Variants in PLEKHM2 observed in about 807,000 individuals in gnomAD.
PLEKHM2 encodes pleckstrin homology and RUN domain containing M2, also known as pleckstrin homology domain-containing family M member 2.
A neutral mutation model predicts 116.3 loss-of-function variants in PLEKHM2; 77 were observed. That is an observed-to-expected ratio of 0.66 (90% CI 0.55 to 0.80). The LOEUF (loss-of-function observed/expected upper bound fraction) is 0.80, where lower values mean the gene tolerates loss of function less well. PLEKHM2 is among the 30% of genes least tolerant of loss of function. PLEKHM2 has a pLI of 0.00. For synonymous variants in PLEKHM2, 562 were observed against 571.0 expected (o/e 0.98, Z 0.22); for missense variants, 1,183 against 1,354.9 (o/e 0.87, Z 1.99).
At chr1:15,724,407 C>T (rs765273334) in intron 7 of PLEKHM2, among the ~76,000 whole-genome samples, 60 of 151,736 alleles carry the variant, frequency 4.0e-4, no homozygotes, top group South Asian at 8.3e-4. Flanking sequence ...CACTTGAACC[C>T]GGGAGTTGGA....
At chr1:15,699,813 T>C (rs181859868) in intron 1 of PLEKHM2, among the ~76,000 whole-genome samples, 2 of 151,884 alleles carry the variant, frequency 1.3e-5, no homozygotes, top group African/African-American at 4.8e-5. Context: ...ATTACATAAA[T>C]ATATTAATCT....
At chr1:15,691,996 C>A (rs1018388870) in intron 1 of PLEKHM2, among the ~76,000 whole-genome samples, 5 of 151,916 alleles carry the variant, frequency 3.3e-5, no homozygotes, top group Admixed American at 1.3e-4. Flanking sequence ...GCCTATAGTC[C>A]CAGCTACTCA....
At chr1:15,697,229 C>G (rs1001509054) in intron 1 of PLEKHM2, among the ~76,000 whole-genome samples, 5 of 152,230 alleles carry the variant, frequency 3.3e-5, no homozygotes, top group African/African-American at 1.2e-4. Flanking sequence ...GGGTCTCTGC[C>G]AGCTCCTGCT....
intron 1 of PLEKHM2, among the ~76,000 whole-genome samples, chr1:15,708,404 A>G (rs986762806): frequency 6.7e-6 from 1 of 150,122 alleles, no homozygotes; most frequent in African/African-American, 2.5e-5. Context: ...TTTAGTAGAG[A>G]TGGGGTTTCA....
In PLEKHM2 at chr1:15,705,206, G is replaced by A. The variant is rs568088858; in HGVS notation, c.61-11031G>A. Reference sequence around the variant, plus strand: ...TTTTTTTTTTTTTTTTTGAGATGGGGTCTCACTCTATCACCTAGTTGGAGT... The same window carrying A: ...TTTTTTTTTTTTTTTTTGAGATGGGATCTCACTCTATCACCTAGTTGGAGT... On this transcript the variant is annotated intron_variant, in intron 1 of 19. Transcript: ENST00000375799. 3.0e-5 allele frequency among the ~76,000 whole-genome samples: 4 copies of A among 132,960 alleles called. No individual in the cohort carries two copies. In the South Asian group the frequency reaches 7.1e-4, roughly 24 times the overall value. The allele number at this position is 132,960 out of a possible 152,430, so 87.2% of individuals were successfully genotyped here.
In PLEKHM2 at chr1:15,728,503, C is replaced by G; in HGVS notation, c.1921+146C>G. The G allele has an allele frequency of 2.0e-6, 2 of 983,728 alleles. No homozygotes were observed. The highest frequency in any genetic ancestry group is 3.1e-6 in the Non-Finnish European group (2 of 654,696). The allele number at this position is 983,728 out of a possible 1,614,324, so 60.9% of individuals were successfully genotyped here. A position where few individuals can be genotyped will look rare whatever the true frequency, so the allele number is the denominator to read the frequency against. On this transcript the variant is annotated intron_variant, in intron 11 of 19. Transcript: ENST00000375799. This position sits in a 1 kb window ranked among gnomAD's most constrained non-coding sequence, Gnocchi z 5.9. ...ACCCCAAGGAAGGTGTTGCCAGCAG[C>G]CCTGAGACGTGAGCCTGGGGCTCCC...
intron 1 of PLEKHM2, among the ~76,000 whole-genome samples, chr1:15,701,433 C>CA (rs1223861653): frequency 6.9e-6 from 1 of 145,614 alleles, no homozygotes; most frequent in East Asian, 2.0e-4. Flanking sequence ...AACTCCATCT[C>CA]AAAAAAAGAA....
Position 15,728,784 on chromosome 1 carries a change from A to C in PLEKHM2, c.1986+51A>C. On this transcript the variant is annotated intron_variant, in intron 12 of 19. Transcript: ENST00000375799. The surrounding 1 kb of genome is among the most constrained non-coding windows in gnomAD (Gnocchi z 5.9). Reference sequence around the variant, plus strand: ...GCCTGCTGTAGGTACAGGGCTTCTCAAGCCACTTACCCATAGAACTGCAGG... The same window carrying C: ...GCCTGCTGTAGGTACAGGGCTTCTCCAGCCACTTACCCATAGAACTGCAGG... 2 of 1,505,232 alleles carry C rather than the reference A, an allele frequency of 1.3e-6. No individual in the cohort carries two copies. Among genetic ancestry groups the C allele is most frequent in the Non-Finnish European group, 9.1e-7 (1 of 1,097,444 alleles). The allele number at this position is 1,505,232 out of a possible 1,614,324, so 93.2% of individuals were successfully genotyped here.
Position 15,728,816 on chromosome 1 carries a change from C to A in PLEKHM2, c.1986+83C>A. On this transcript the variant is annotated intron_variant, in intron 12 of 19. Coordinates refer to ENST00000375799, the MANE Select transcript of PLEKHM2 (RefSeq NM_015164.4). This position sits in a 1 kb window ranked among gnomAD's most constrained non-coding sequence, Gnocchi z 5.9. ...TTACCCATAGAACTGCAGGGCGAGG[C>A]ACGGCCCCTTACTCCCCTCCCGGGG... The A allele has an allele frequency of 7.8e-7, 1 of 1,283,114 alleles. No homozygotes were observed. Among genetic ancestry groups the A allele is most frequent in the Non-Finnish European group, 1.1e-6 (1 of 903,212 alleles). 79.5% of individuals were successfully genotyped at this position (1,283,114 alleles called of 1,614,324 possible). A position where few individuals can be genotyped will look rare whatever the true frequency, so the allele number is the denominator to read the frequency against.
intron 19 of PLEKHM2, among the ~76,000 whole-genome samples, chr1:15,732,975 C>T (rs1056651753): frequency 2.0e-5 from 3 of 152,338 alleles, no homozygotes; most frequent in African/African-American, 7.2e-5. Flanking sequence ...GCTGGGAGCC[C>T]GAGGCCCTCA....
chr1:15,682,647 A>C (rs1389536020), upstream of PLEKHM2, among the ~76,000 whole-genome samples: 4 of 72,868 alleles, frequency 5.5e-5, no homozygotes, highest in African/African-American at 3.6e-4. Context: ...ACAAAACAAA[A>C]AAAACAAAAA....
In PLEKHM2 at chr1:15,721,853, T is replaced by A. The variant is rs950119051; in HGVS notation, c.712+465T>A. On this transcript the variant is annotated intron_variant, in intron 7 of 19. Transcript: ENST00000375799. This position sits in a 1 kb window ranked among gnomAD's most constrained non-coding sequence, Gnocchi z 5.1. ...TGGCTTCCTCTTGGGTGTTTTGGAGTGGTTGAGGTCCAAGTCAGGAAACTG... is the reference window on the plus strand; with the variant it reads ...TGGCTTCCTCTTGGGTGTTTTGGAGAGGTTGAGGTCCAAGTCAGGAAACTG... 2.0e-5 allele frequency among the ~76,000 whole-genome samples: 3 copies of A among 152,106 alleles called. No homozygotes were observed. Among genetic ancestry groups the A allele is most frequent in the African/African-American group, 7.2e-5 (3 of 41,408 alleles).
chr1:15,693,288 G>A lies in PLEKHM2; in HGVS notation c.60+8670G>A, dbSNP rs1452285570. ...ACTCCTGGTCTCAAGTGATCCGCCCGCCTTGGCCTCCCAAAGTGCTGGGAT... is the reference window on the plus strand; with the variant it reads ...ACTCCTGGTCTCAAGTGATCCGCCCACCTTGGCCTCCCAAAGTGCTGGGAT... On this transcript the variant is annotated intron_variant, in intron 1 of 19. Transcript: ENST00000375799. 2.0e-5 allele frequency among the ~76,000 whole-genome samples: 3 copies of A among 152,156 alleles called. No homozygotes were observed. The East Asian group carries it at 5.8e-4, about 29-fold the overall frequency.
In PLEKHM2 at chr1:15,728,158, A is replaced by G. The variant is rs1472253470; in HGVS notation, c.1830+10A>G. The G allele has an allele frequency of 6.2e-7, 1 of 1,609,756 alleles. No homozygotes were observed. Among genetic ancestry groups the G allele is most frequent in the Admixed American group, 1.7e-5 (1 of 59,536 alleles). ...AGAGCAGCTGTTCAAAGTAAGTCCT[A>G]GGAACTCAGGAGTGAGCAAGAGACG... On this transcript the variant is annotated intron_variant, in intron 10 of 19. Coordinates refer to ENST00000375799, the MANE Select transcript of PLEKHM2 (RefSeq NM_015164.4). The surrounding 1 kb of genome is among the most constrained non-coding windows in gnomAD (Gnocchi z 5.9).
intron 1 of PLEKHM2, among the ~76,000 whole-genome samples, chr1:15,690,501 G>C (rs1257242357): frequency 2.0e-5 from 3 of 152,226 alleles, no homozygotes; most frequent in Non-Finnish European, 2.9e-5. Flanking sequence ...TATGAGTGTG[G>C]CTTTGTTCCA....
chr1:15,701,599 C>T (rs1641114611), intron 1 of PLEKHM2, among the ~76,000 whole-genome samples: 1 of 152,068 alleles, frequency 6.6e-6, no homozygotes, highest in South Asian at 2.1e-4. Context: ...ACCATCCTGG[C>T]TAACACGGTG....
rs774362020 is a variant in PLEKHM2, at chr1:15,732,526, C to T, written c.2802C>T (p.Val934=). Residue 934 remains valine (V), a synonymous_variant, in exon 18 of 20, where the codon GTC becomes GTT. Transcript: ENST00000375799. ...CCGAGCCGGGCAAGGAGTACTGCGT[C>T]TTGGTGAGCTTTGAGTGGGGGCGGG... ...VSTEPGKEYC[V]LEFSQDSQQL... is the part of the protein sequence containing the mutation. 6 of 1,609,678 alleles carry T rather than the reference C, an allele frequency of 3.7e-6. No individual in the cohort carries two copies. In the Admixed American group the frequency reaches 1.0e-4, roughly 27 times the overall value.
chr1:15,689,240 C>T (rs1330321733), intron 1 of PLEKHM2, among the ~76,000 whole-genome samples: 2 of 123,716 alleles, frequency 1.6e-5, no homozygotes, highest in Non-Finnish European at 3.2e-5. Flanking sequence ...AGCGAAACTC[C>T]GTCTCAAAAA....
Position 15,719,632 on chromosome 1 carries a change from CAA to C in PLEKHM2, c.466-100_466-99del, listed in dbSNP as rs372331395. ...TTACTACCTTAAGCCATTGATTTCC[CAA>C]AGAGGCACATCTGTGTCTCCCAGGC... On this transcript the variant is annotated intron_variant, in intron 5 of 19. Coordinates refer to ENST00000375799, the MANE Select transcript of PLEKHM2 (RefSeq NM_015164.4). This position sits in a 1 kb window ranked among gnomAD's most constrained non-coding sequence, Gnocchi z 4.1. The C allele has an allele frequency of 0.015, 10,655 of 730,182 alleles. 102 individuals are homozygous for C. The highest frequency in any genetic ancestry group is 0.019 in the Non-Finnish European group (8,182 of 426,522). 45.2% of individuals were successfully genotyped at this position (730,182 alleles called of 1,614,324 possible). A position where few individuals can be genotyped will look rare whatever the true frequency, so the allele number is the denominator to read the frequency against.
Sources: gnomAD v4.1 joint callset for allele counts (sites outside exome capture counted in the v4.1 genomes callset) on GRCh38, gnomAD v4.1.1 for gene constraint, Gnocchi (gnomAD v3.1) non-coding constraint, MANE v1.5 for transcripts, NCBI Gene and HGNC (gene_info 2026-07-23, HGNC 2026-07-21) for gene names.